The following RGS7 variants were observed in gnomAD, a reference collection of about 807,000 sequenced individuals.
RGS7 encodes the protein regulator of G-protein signaling 7.
Under a neutral mutation model 81.1 loss-of-function variants are expected in RGS7, and 27 were observed. The ratio of observed to expected loss-of-function variants is 0.33; its 90% CI spans 0.25 to 0.46. The LOEUF is 0.46. Ranked by LOEUF, RGS7 falls within the 20% of genes least tolerant of loss-of-function variation. RGS7 has a pLI of 1.00. For synonymous variants in RGS7, 208 were observed against 207.7 expected (o/e 1.00, Z -0.01); for missense variants, 396 against 607.4 (o/e 0.65, Z 3.66).
intron 6 of RGS7, among the ~76,000 whole-genome samples, chr1:240,907,808 C>T (rs999149696): frequency 6.6e-6 from 1 of 152,114 alleles, no homozygotes; most frequent in African/African-American, 2.4e-5. Context: ...CTCCTGTAGA[C>T]ACATTTACCA....
At chr1:240,819,061 T>C (rs1455566966) in intron 10 of RGS7, among the ~76,000 whole-genome samples, 2 of 152,246 alleles carry the variant, frequency 1.3e-5, no homozygotes, top group Non-Finnish European at 2.9e-5. Flanking sequence ...TATTTGTCAA[T>C]TAAAATTAGG....
At chr1:241,061,485 T>C (rs1000361424) in intron 3 of RGS7, among the ~76,000 whole-genome samples, 5 of 152,244 alleles carry the variant, frequency 3.3e-5, no homozygotes, top group African/African-American at 1.2e-4. Flanking sequence ...TATAATTTAA[T>C]ATGATTTTTA....
chr1:241,074,671 C>G (rs979613204), intron 3 of RGS7, among the ~76,000 whole-genome samples: 2 of 152,158 alleles, frequency 1.3e-5, no homozygotes, highest in Non-Finnish European at 2.9e-5. Flanking sequence ...CTCTGACTTG[C>G]CAAACCTGAG....
chr1:241,163,208 C>T lies in RGS7; in HGVS notation c.79-64446G>A, dbSNP rs1179051969. The stretch of plus-strand genomic sequence containing the variant: ...GGCCTGAAGCAAGACTTGGCAGTGA[C>T]CTCCTAACTTTATCAGTGAAAAGAA... On this transcript the variant is annotated intron_variant, in intron 2 of 18. Transcript: ENST00000440928. This position sits in a 1 kb window ranked among gnomAD's most constrained non-coding sequence, Gnocchi z 4.6. Among the ~76,000 whole-genome samples, 2 of 152,150 alleles carry T rather than the reference C, an allele frequency of 1.3e-5. No homozygotes were observed. Among genetic ancestry groups the T allele is most frequent in the Non-Finnish European group, 2.9e-5 (2 of 68,040 alleles).
intron 6 of RGS7, among the ~76,000 whole-genome samples, chr1:240,915,966 TA>T (rs1365066504): frequency 1.3e-5 from 2 of 151,580 alleles, no homozygotes; most frequent in South Asian, 2.1e-4. Flanking sequence ...AAAAAAAGTA[TA>T]AAAAAGACAG....
At chr1:241,103,923 T>G (rs2102914089) in intron 2 of RGS7, among the ~76,000 whole-genome samples, 1 of 152,328 alleles carries the variant, frequency 6.6e-6, no homozygotes, top group African/African-American at 2.4e-5. Context: ...CAAATGTATT[T>G]GCTTCCAATT....
At chr1:241,175,195 C>T (rs2071038631) in intron 2 of RGS7, among the ~76,000 whole-genome samples, 1 of 152,072 alleles carries the variant, frequency 6.6e-6, no homozygotes, top group Non-Finnish European at 1.5e-5. Context: ...AGCCACTATT[C>T]CTGGCTCACA....
chr1:240,827,606 T>C (rs1693067865), intron 9 of RGS7, among the ~76,000 whole-genome samples: 1 of 152,104 alleles, frequency 6.6e-6, no homozygotes, highest in African/African-American at 2.4e-5. Flanking sequence ...CTCATGCCTG[T>C]AATCCCAGCA....
chr1:241,281,763 T>C (rs2078524438), intron 2 of RGS7, among the ~76,000 whole-genome samples: 1 of 152,220 alleles, frequency 6.6e-6, no homozygotes, highest in Non-Finnish European at 1.5e-5. Flanking sequence ...CATAAGAATA[T>C]AATATGTATT....
At chr1:240,985,154 G>C (rs1421126482) in intron 3 of RGS7, among the ~76,000 whole-genome samples, 1 of 152,300 alleles carries the variant, frequency 6.6e-6, no homozygotes, top group Non-Finnish European at 1.5e-5. Context: ...AAAAGAAAAG[G>C]AGAACTCAGC....
chr1:241,185,090 T>C (rs1042166252), intron 2 of RGS7, among the ~76,000 whole-genome samples: 2 of 152,208 alleles, frequency 1.3e-5, no homozygotes, highest in African/African-American at 2.4e-5. Flanking sequence ...CCATGAAATA[T>C]ACATGAATTT....
intron 2 of RGS7, among the ~76,000 whole-genome samples, chr1:241,287,621 G>T (rs189016969): frequency 6.6e-6 from 1 of 151,990 alleles, no homozygotes; most frequent in South Asian, 2.1e-4. Flanking sequence ...TACTTTTCCC[G>T]GTTTTATTTT....
chr1:241,033,958 C>A (rs954253907), intron 3 of RGS7, among the ~76,000 whole-genome samples: 2 of 152,166 alleles, frequency 1.3e-5, no homozygotes, highest in African/African-American at 4.8e-5. Context: ...GATGGTGAAT[C>A]CCCAAAATGA....
At chr1:241,026,603 T>C (rs1185942283) in intron 3 of RGS7, among the ~76,000 whole-genome samples, 2 of 151,294 alleles carry the variant, frequency 1.3e-5, no homozygotes, top group Non-Finnish European at 2.9e-5. Context: ...AAAAAAAAAT[T>C]ATTGAGTGCT....
chr1:241,005,827 G>A (rs539078311), intron 3 of RGS7, among the ~76,000 whole-genome samples: 36 of 152,142 alleles, frequency 2.4e-4, no homozygotes, highest in Non-Finnish European at 4.0e-4. Flanking sequence ...GAGCCACCGC[G>A]CCCGGCCACG....
In RGS7 at chr1:240,980,726, C is replaced by A. The variant is rs978407458; in HGVS notation, c.226+2353G>T. On this transcript the variant is annotated intron_variant, in intron 4 of 18. Coordinates refer to ENST00000440928, the MANE Select transcript of RGS7 (RefSeq NM_001364886.1). ...TGCACAATCTGTTACATATTCAGAA[C>A]AATCATTAATGTTTCTTAACTCTTC... Among the ~76,000 whole-genome samples the A allele has an allele frequency of 4.6e-5, 7 of 152,150 alleles. No homozygotes were observed. In the East Asian group the frequency reaches 7.7e-4, roughly 17 times the overall value.
chr1:240,890,006 C>T (rs1274872178), intron 6 of RGS7, among the ~76,000 whole-genome samples: 5 of 152,130 alleles, frequency 3.3e-5, no homozygotes, highest in African/African-American at 1.2e-4. Flanking sequence ...TTCTTCACTC[C>T]TCCTATTTGC....
At chr1:241,265,864 G>A (rs1048370286) in intron 2 of RGS7, among the ~76,000 whole-genome samples, 4 of 143,294 alleles carry the variant, frequency 2.8e-5, no homozygotes, top group Admixed American at 7.5e-5. Flanking sequence ...GCGCAATCTC[G>A]GCTCAACGCA....
At chr1:241,098,442 A>G (rs972847464) in intron 3 of RGS7, among the ~76,000 whole-genome samples, 1 of 152,090 alleles carries the variant, frequency 6.6e-6, no homozygotes, top group Non-Finnish European at 1.5e-5. Context: ...GCATTTGTTC[A>G]TTCGGTCTTT....
Sources: gnomAD v4.1 joint callset for allele counts (sites outside exome capture counted in the v4.1 genomes callset) on GRCh38, gnomAD v4.1.1 for gene constraint, Gnocchi (gnomAD v3.1) non-coding constraint, MANE v1.5 for transcripts, NCBI Gene and HGNC (gene_info 2026-07-23, HGNC 2026-07-21) for gene names.